KCNIP4: variants seen among roughly 807,000 people sequenced by gnomAD.
KCNIP4 encodes the protein potassium voltage-gated channel interacting protein 4.
Under a neutral mutation model 34.0 loss-of-function variants are expected in KCNIP4, and 12 were observed. The observed-to-expected ratio is 0.35, with a 90% CI of 0.23 to 0.57. The LOEUF (loss-of-function observed/expected upper bound fraction) is 0.57. KCNIP4 is among the 20% of genes least tolerant of loss of function. The probability of loss-of-function intolerance (pLI) is 0.83; values close to 1 mark genes in which losing one functional copy is unlikely to be tolerated. For missense variants in KCNIP4, 238 were observed against 311.7 expected, an observed-to-expected ratio of 0.76 and a Z score of 1.78; for synonymous variants, 124 against 102.2, an observed-to-expected ratio of 1.21 and a Z score of -1.29.
chr4:21,302,553 G>C (rs541461337), intron 1 of KCNIP4, among the ~76,000 whole-genome samples: 1 of 152,352 alleles, frequency 6.6e-6, no homozygotes, highest in East Asian at 1.9e-4. Flanking sequence ...CATGAAGTCA[G>C]TTTTAAAGAG....
intron 1 of KCNIP4, among the ~76,000 whole-genome samples, chr4:21,556,060 G>T (rs1304586505): frequency 2.0e-5 from 3 of 152,144 alleles, no homozygotes; most frequent in African/African-American, 7.2e-5. Flanking sequence ...TGACATGAAT[G>T]AATTTTGCTT....
intron 1 of KCNIP4, among the ~76,000 whole-genome samples, chr4:21,559,441 A>G (rs1253462300): frequency 6.6e-6 from 1 of 152,148 alleles, no homozygotes; most frequent in Admixed American, 6.6e-5. Context: ...TTCACCATAT[A>G]TGCATTCACC....
At chr4:21,138,441 C>T (rs10033890) in intron 1 of KCNIP4, among the ~76,000 whole-genome samples, 1 of 151,766 alleles carries the variant, frequency 6.6e-6, no homozygotes, top group East Asian at 1.9e-4. Flanking sequence ...GTTCCTTCTA[C>T]AAATCACTTA....
chr4:21,245,940 T>C (rs1297190538), intron 1 of KCNIP4, among the ~76,000 whole-genome samples: 2 of 152,170 alleles, frequency 1.3e-5, no homozygotes, highest in African/African-American at 4.8e-5. Context: ...ATTTTGCAAA[T>C]ACCCGGAGGA....
At chr4:21,157,068 C>T (rs912399392) in intron 1 of KCNIP4, among the ~76,000 whole-genome samples, 1 of 152,130 alleles carries the variant, frequency 6.6e-6, no homozygotes, top group East Asian at 1.9e-4. Flanking sequence ...AACATGACCT[C>T]TTCGGCCTTG....
chr4:21,019,827 A>G (rs1196179173), intron 1 of KCNIP4, among the ~76,000 whole-genome samples: 1 of 152,164 alleles, frequency 6.6e-6, no homozygotes, highest in East Asian at 1.9e-4. Context: ...ACAGCTATAT[A>G]AAGTAGCATT....
chr4:21,693,518 G>A (rs1051714941), intron 1 of KCNIP4, among the ~76,000 whole-genome samples: 5 of 151,990 alleles, frequency 3.3e-5, no homozygotes, highest in East Asian at 1.9e-4. Context: ...AGCTGAGATC[G>A]CACCACTGCA....
intron 1 of KCNIP4, among the ~76,000 whole-genome samples, chr4:21,871,337 G>T (rs1463803029): frequency 2.1e-5 from 3 of 145,668 alleles, no homozygotes; most frequent in Non-Finnish European, 1.5e-5. Context: ...AAAGACACAT[G>T]CACACGTATG....
Position 21,269,266 on chromosome 4 carries a change from G to T in KCNIP4, c.62-386557C>A, listed in dbSNP as rs538095329. ...GATGTATTGAGACAAAGTAAATTAG[G>T]ATATCTAATAGACAGAGTTTGCCTA... is the stretch of plus-strand genomic sequence containing the variant. On this transcript the variant is annotated intron_variant, in intron 1 of 8. Transcript: ENST00000382152. Among the ~76,000 whole-genome samples, 72 of 152,324 alleles carry T rather than the reference G, an allele frequency of 4.7e-4. 1 individual carries two copies. The highest frequency in any genetic ancestry group is 1.7e-3 in the African/African-American group (72 of 41,580).
intron 1 of KCNIP4, among the ~76,000 whole-genome samples, chr4:20,954,351 G>A (rs968203666): frequency 2.6e-5 from 4 of 152,090 alleles, no homozygotes; most frequent in African/African-American, 9.7e-5. Flanking sequence ...AAATCAATGT[G>A]GTTTTGTGCA....
chr4:21,711,116 G>A (rs1441943120), intron 1 of KCNIP4, among the ~76,000 whole-genome samples: 1 of 151,984 alleles, frequency 6.6e-6, no homozygotes, highest in African/African-American at 2.4e-5. Context: ...TTCTCTATGG[G>A]GTAGATTTCG....
At chr4:21,307,246 C>T (rs1178012159) in intron 1 of KCNIP4, among the ~76,000 whole-genome samples, 1 of 152,034 alleles carries the variant, frequency 6.6e-6, no homozygotes, top group African/African-American at 2.4e-5. Flanking sequence ...GAGGGTTTTT[C>T]TTTTTTTAAA....
At chr4:21,351,189 A>T (rs559468033) in intron 1 of KCNIP4, among the ~76,000 whole-genome samples, 1 of 152,206 alleles carries the variant, frequency 6.6e-6, no homozygotes, top group Non-Finnish European at 1.5e-5. Context: ...GTTTCCCTCA[A>T]ATTTATATGT....
intron 1 of KCNIP4, among the ~76,000 whole-genome samples, chr4:21,065,459 A>G (rs1744269198): frequency 6.6e-6 from 1 of 152,114 alleles, no homozygotes; most frequent in Non-Finnish European, 1.5e-5. Context: ...AGCCCAAGAT[A>G]ATGGTGCTTC....
intron 1 of KCNIP4, among the ~76,000 whole-genome samples, chr4:21,099,264 T>C (rs565322646): frequency 6.6e-6 from 1 of 152,244 alleles, no homozygotes; most frequent in Non-Finnish European, 1.5e-5. Context: ...GTGGTACATA[T>C]AAACCATGGA....
intron 1 of KCNIP4, among the ~76,000 whole-genome samples, chr4:21,283,566 TACAG>T (rs1472768382): frequency 6.7e-6 from 1 of 148,582 alleles, no homozygotes; most frequent in African/African-American, 2.5e-5. Flanking sequence ...CATAAGTTTT[TACAG>T]ACAAACTACT....
rs1246392370 is a variant in KCNIP4 at position 21,540,709 on chromosome 4, T to C, written c.61+407862A>G. ...TGTTTGATCCATTATTTACCAAACG[T>C]TTTTGACTACAGATCTAACTTATAA... On this transcript the variant is annotated intron_variant, in intron 1 of 8. Coordinates refer to ENST00000382152, the MANE Select transcript of KCNIP4 (RefSeq NM_025221.6). Among the ~76,000 whole-genome samples the C allele has an allele frequency of 2.6e-5, 4 of 152,244 alleles. No homozygotes were observed. In the East Asian group the frequency reaches 5.8e-4, roughly 22 times the overall value.
chr4:21,676,970 A>G lies in KCNIP4; in HGVS notation c.61+271601T>C, dbSNP rs1252417012. On this transcript the variant is annotated intron_variant, in intron 1 of 8. Transcript: ENST00000382152. ...TGTCTTTTTCATCCATCAATCTTCT[A>G]AAGTATATGTTCCAGAAAAAAAAAA... is the stretch of plus-strand genomic sequence containing the variant. Among the ~76,000 whole-genome samples the G allele has an allele frequency of 3.0e-5, 4 of 133,430 alleles. No homozygotes were observed. In the Admixed American group the frequency reaches 3.0e-4, roughly 10 times the overall value. 87.5% of individuals were successfully genotyped at this position (133,430 alleles called of 152,430 possible).
At chr4:21,698,519 G>A (rs1712580152) in intron 1 of KCNIP4, among the ~76,000 whole-genome samples, 4 of 152,292 alleles carry the variant, frequency 2.6e-5, no homozygotes, top group African/African-American at 2.4e-5. Flanking sequence ...AAGACATTGG[G>A]ATAGAGGCAG....
Sources: gnomAD v4.1 joint callset for allele counts (sites outside exome capture counted in the v4.1 genomes callset) on GRCh38, gnomAD v4.1.1 for gene constraint, MANE v1.5 for transcripts, NCBI Gene and HGNC (gene_info 2026-07-23, HGNC 2026-07-21) for gene names.